The following LRRC8C variants were observed in gnomAD, a reference collection of about 807,000 sequenced individuals.
LRRC8C encodes volume-regulated anion channel subunit LRRC8C.
Under a neutral mutation model 55.3 loss-of-function variants are expected in LRRC8C, and 20 were observed. The ratio of observed to expected loss-of-function variants is 0.36; its 90% CI spans 0.25 to 0.53. The LOEUF is 0.53. Ranked by LOEUF, LRRC8C falls within the 20% of genes least tolerant of loss-of-function variation. LRRC8C has a pLI of 0.92. For missense variants in LRRC8C, 659 were observed against 951.4 expected (o/e 0.69, Z 4.04); for synonymous variants, 376 against 360.7 (o/e 1.04, Z -0.48).
chr1:89,665,236 T>C (rs1005161996), intron 1 of LRRC8C, among the ~76,000 whole-genome samples: 2 of 152,256 alleles, frequency 1.3e-5, no homozygotes, highest in African/African-American at 4.8e-5. Context: ...TTCCAGCTTT[T>C]GCCCGTTCAT....
the LRRC8C span, among the ~76,000 whole-genome samples, chr1:89,625,674 CA>C: frequency 1.3e-5 from 2 of 152,210 alleles, no homozygotes; most frequent in African/African-American, 4.8e-5. Context: ...AAGAGAGAAT[CA>C]TGTTTATGTG....
In LRRC8C at chr1:89,719,012, C is replaced by T. The variant is rs533064949; in HGVS notation, c.*4030C>T. On this transcript the variant is annotated 3_prime_UTR_variant, in exon 3 of 3. Coordinates refer to ENST00000370454, the MANE Select transcript of LRRC8C (RefSeq NM_032270.5). ...CTCAGTGACATGCTCCTGAAAGTTT[C>T]CTGCCAGCCATCCAAACTAAGCATC... The T allele has an allele frequency of 2.6e-5, 4 of 152,288 alleles. No individual in the cohort carries two copies. Among genetic ancestry groups the T allele is most frequent in the Admixed American group, 6.5e-5 (1 of 15,288 alleles). The allele number at this position is 152,288 out of a possible 1,614,324, so 9.4% of individuals were successfully genotyped here.
chr1:89,667,583 A>G (rs1021365793), intron 1 of LRRC8C, among the ~76,000 whole-genome samples: 1 of 152,174 alleles, frequency 6.6e-6, no homozygotes, highest in Non-Finnish European at 1.5e-5. Flanking sequence ...AATACAAAGC[A>G]GAGCAGTAAT....
At chr1:89,616,714 G>C in the LRRC8C span, among the ~76,000 whole-genome samples, 1 of 152,160 alleles carries the variant, frequency 6.6e-6, no homozygotes, top group Non-Finnish European at 1.5e-5. Context: ...GAGGCTCATA[G>C]ATGGAAACTA....
intron 2 of LRRC8C, among the ~76,000 whole-genome samples, chr1:89,688,035 C>T (rs1657929231): frequency 6.6e-6 from 1 of 152,186 alleles, no homozygotes; most frequent in Non-Finnish European, 1.5e-5. Context: ...TTACTAGCCT[C>T]ACTTACAAAT....
the LRRC8C span, among the ~76,000 whole-genome samples, chr1:89,618,899 G>T: frequency 6.6e-6 from 1 of 152,148 alleles, no homozygotes; most frequent in African/African-American, 2.4e-5. Flanking sequence ...GACACCTCTT[G>T]TTTTCAAATG....
In LRRC8C at chr1:89,718,266, G is replaced by A. The variant is rs1570750949; in HGVS notation, c.*3284G>A. Reference sequence around the variant, plus strand: ...ATTTACATTGCATCGTATGCAGTAGGTACTGCTTTTTCAGAAAGACCTGGA... The same window carrying A: ...ATTTACATTGCATCGTATGCAGTAGATACTGCTTTTTCAGAAAGACCTGGA... On this transcript the variant is annotated 3_prime_UTR_variant, in exon 3 of 3. Coordinates refer to ENST00000370454, the MANE Select transcript of LRRC8C (RefSeq NM_032270.5). 1.3e-5 allele frequency: 2 copies of A among 152,146 alleles called. No individual in the cohort carries two copies. Among genetic ancestry groups the A allele is most frequent in the South Asian group, 4.2e-4 (2 of 4,816 alleles). 9.4% of individuals were successfully genotyped at this position (152,146 alleles called of 1,614,324 possible).
In LRRC8C at chr1:89,717,699, C is replaced by A. The variant is rs975171410; in HGVS notation, c.*2717C>A. On this transcript the variant is annotated 3_prime_UTR_variant, in exon 3 of 3. Transcript: ENST00000370454. Reference sequence around the variant, plus strand: ...AAAAAAACATTTAATTACTAGTTAGCCCTTAACTGGGAAACTCAGGTAATG... The same window carrying A: ...AAAAAAACATTTAATTACTAGTTAGACCTTAACTGGGAAACTCAGGTAATG... 1.3e-5 allele frequency: 2 copies of A among 152,124 alleles called. No individual in the cohort carries two copies. The highest frequency in any genetic ancestry group is 4.8e-5 in the African/African-American group (2 of 41,422). 9.4% of individuals were successfully genotyped at this position (152,124 alleles called of 1,614,324 possible).
chr1:89,651,132 A>G (rs1656762723), intron 1 of LRRC8C, among the ~76,000 whole-genome samples: 1 of 152,198 alleles, frequency 6.6e-6, no homozygotes, highest in Non-Finnish European at 1.5e-5. Flanking sequence ...GCAGGTCTCC[A>G]AGGGAGTTCT....
chr1:89,653,102 T>C (rs1214137035), intron 1 of LRRC8C, among the ~76,000 whole-genome samples: 1 of 152,224 alleles, frequency 6.6e-6, no homozygotes, highest in African/African-American at 2.4e-5. Flanking sequence ...TAGAGAGTTC[T>C]TAATCTGACT....
intron 1 of LRRC8C, among the ~76,000 whole-genome samples, chr1:89,666,534 G>GAGAGAT (rs1199714780): frequency 1.3e-5 from 2 of 152,052 alleles, no homozygotes; most frequent in African/African-American, 4.8e-5. Context: ...TCCTTTTCCA[G>GAGAGAT]CTCCATGCAG....
intron 1 of LRRC8C, among the ~76,000 whole-genome samples, chr1:89,672,015 A>G (rs1570712944): frequency 6.6e-6 from 1 of 152,210 alleles, no homozygotes; most frequent in East Asian, 1.9e-4. Flanking sequence ...GTCTCTACAG[A>G]TAGAAAATGA....
At chr1:89,710,048 G>C (rs764940050) in intron 2 of LRRC8C, among the ~76,000 whole-genome samples, 6 of 152,172 alleles carry the variant, frequency 3.9e-5, no homozygotes, top group Non-Finnish European at 5.9e-5. Context: ...ACGGCACCCA[G>C]CCTGTATTTT....
intron 1 of LRRC8C, among the ~76,000 whole-genome samples, chr1:89,638,950 A>G (rs1283231658): frequency 7.3e-6 from 1 of 136,594 alleles, no homozygotes; most frequent in African/African-American, 2.6e-5. Flanking sequence ...TTTAAACTAT[A>G]ATTTTTTATT....
the LRRC8C span, chr1:89,625,022 T>A: frequency 6.6e-6 from 1 of 152,192 alleles, no homozygotes; most frequent in Non-Finnish European, 1.5e-5. Flanking sequence ...TAGAAATGCC[T>A]CATTAGAGGA....
chr1:89,689,856 G>A (rs910222756), intron 2 of LRRC8C, among the ~76,000 whole-genome samples: 8 of 151,898 alleles, frequency 5.3e-5, no homozygotes, highest in African/African-American at 1.7e-4. Context: ...CAGGAGAATC[G>A]CCTGAACCCG....
chr1:89,698,575 C>G (rs1658233900), intron 2 of LRRC8C, among the ~76,000 whole-genome samples: 1 of 152,062 alleles, frequency 6.6e-6, no homozygotes, highest in Non-Finnish European at 1.5e-5. Context: ...TTGATACTAG[C>G]CTTTAATTAT....
At chr1:89,671,765 A>G (rs894643864) in intron 1 of LRRC8C, among the ~76,000 whole-genome samples, 12 of 152,370 alleles carry the variant, frequency 7.9e-5, no homozygotes, top group African/African-American at 2.4e-4. Flanking sequence ...AGTATAGGTC[A>G]GAGTCAGTTT....
At chr1:89,627,063 A>G in the LRRC8C span, among the ~76,000 whole-genome samples, 2 of 151,746 alleles carry the variant, frequency 1.3e-5, no homozygotes, top group Non-Finnish European at 2.9e-5. Flanking sequence ...GGGGCTTTCC[A>G]AAAATTGCTT....
Sources: gnomAD v4.1 joint callset for allele counts (sites outside exome capture counted in the v4.1 genomes callset) on GRCh38, gnomAD v4.1.1 for gene constraint, MANE v1.5 for transcripts, NCBI Gene and HGNC (gene_info 2026-07-23, HGNC 2026-07-21) for gene names.